NEK10: variants seen among roughly 807,000 people sequenced by gnomAD.
NEK10 encodes the protein serine/threonine-protein kinase Nek10.
NEK10 carries 122 observed loss-of-function variants against 159.8 expected under a neutral mutation model. The ratio of observed to expected loss-of-function variants is 0.76; its 90% CI spans 0.66 to 0.89. NEK10 has a LOEUF of 0.89. Ranked by LOEUF, NEK10 falls within the 40% of genes least tolerant of loss-of-function variation. NEK10 has a pLI of 0.00. For synonymous variants in NEK10, 466 were observed against 457.1 expected (o/e 1.02, Z -0.25); for missense variants, 1,342 against 1,323.1 (o/e 1.01, Z -0.22).
chr3:27,301,791 G>T lies in NEK10; in HGVS notation c.1073C>A (p.Ser358Tyr). 6.4e-7 allele frequency: 1 copy of T among 1,556,810 alleles called. No homozygotes were observed. The highest frequency in any genetic ancestry group is 2.4e-5 in the East Asian group (1 of 41,494). ...VSDHSSIGSLSSANAAGRIQQ... is the reference protein window; with the variant it reads ...VSDHSSIGSLYSANAAGRIQQ... ...GATTCGGCCTGCAGCATTTGCACTGGACAGGCTTCCAATGGAGGAGTGATC... is the reference window on the plus strand; with the variant it reads ...GATTCGGCCTGCAGCATTTGCACTGTACAGGCTTCCAATGGAGGAGTGATC... The change falls in exon 13 of 36, where the codon TCC (serine) becomes TAC (tyrosine). Residue 358 changes from serine (S) to tyrosine (Y), a missense_variant. Coordinates refer to ENST00000691995, the MANE Select transcript of NEK10 (RefSeq NM_001394966.1).
intron 26 of NEK10, among the ~76,000 whole-genome samples, chr3:27,187,772 A>AG (rs1948756015): frequency 6.6e-6 from 1 of 151,970 alleles, no homozygotes; most frequent in South Asian, 2.1e-4. Flanking sequence ...AAAAAAAAAA[A>AG]AAAGAAAGAA....
At chr3:27,366,206 A>G (rs1406676631) in intron 1 of NEK10, among the ~76,000 whole-genome samples, 1 of 152,128 alleles carries the variant, frequency 6.6e-6, no homozygotes, top group Non-Finnish European at 1.5e-5. Flanking sequence ...CATTTTACAG[A>G]TGAGGAAACT....
chr3:27,365,195 T>C (rs1264147121), intron 1 of NEK10, among the ~76,000 whole-genome samples: 3 of 152,258 alleles, frequency 2.0e-5, no homozygotes, highest in East Asian at 1.9e-4. Flanking sequence ...TTGCAAAATA[T>C]ACTAACTACT....
intron 6 of NEK10, among the ~76,000 whole-genome samples, chr3:27,317,503 C>T (rs138504219): frequency 5.6e-4 from 85 of 152,240 alleles, no homozygotes; most frequent in Middle Eastern, 3.4e-3. Flanking sequence ...AAACTGTGAA[C>T]AATGTCCTTC....
intron 23 of NEK10, among the ~76,000 whole-genome samples, chr3:27,210,165 A>C (rs1950881097): frequency 6.6e-6 from 1 of 152,184 alleles, no homozygotes; most frequent in African/African-American, 2.4e-5. Flanking sequence ...CAATTTATAA[A>C]GAAAAGGAAC....
intron 4 of NEK10, among the ~76,000 whole-genome samples, chr3:27,345,649 A>G (rs1157283989): frequency 1.3e-5 from 2 of 152,196 alleles, no homozygotes; most frequent in Non-Finnish European, 2.9e-5. Context: ...GACACTTTCA[A>G]TGTTAGAGGT....
chr3:27,200,157 G>T (rs1184286690), intron 25 of NEK10, among the ~76,000 whole-genome samples: 1 of 152,076 alleles, frequency 6.6e-6, no homozygotes, highest in Non-Finnish European at 1.5e-5. Context: ...GATTAGTATT[G>T]TGCCAAAGAA....
intron 23 of NEK10, among the ~76,000 whole-genome samples, chr3:27,237,651 G>A (rs541748699): frequency 6.6e-6 from 1 of 151,854 alleles, no homozygotes; most frequent in Non-Finnish European, 1.5e-5. Context: ...AACTCAGGAG[G>A]AAGGGTGGGA....
At chr3:27,162,180 T>A in intron 30 of NEK10, 1 of 395,172 alleles carries the variant, frequency 2.5e-6, no homozygotes, top group East Asian at 4.3e-5. Flanking sequence ...TTTGTAGGTA[T>A]GTACTTGAAG....
chr3:27,346,077 A>G lies in NEK10; in HGVS notation c.263+9T>C. On this transcript the variant is annotated intron_variant, in intron 4 of 35. Transcript: ENST00000691995. ...TTGCTGAAGACGAAGGAGATGCTGGATTTCTTACCTAAAATTTTCAAGTTC... is the reference window on the plus strand; with the variant it reads ...TTGCTGAAGACGAAGGAGATGCTGGGTTTCTTACCTAAAATTTTCAAGTTC... 1 of 1,613,354 alleles carries G rather than the reference A, an allele frequency of 6.2e-7. No homozygotes were observed. Among genetic ancestry groups the G allele is most frequent in the Non-Finnish European group, 8.5e-7 (1 of 1,179,420 alleles).
At chr3:27,151,518 C>T (rs1349573983) in intron 30 of NEK10, among the ~76,000 whole-genome samples, 1 of 152,126 alleles carries the variant, frequency 6.6e-6, no homozygotes, top group Non-Finnish European at 1.5e-5. Context: ...GCCTTTAGCC[C>T]TAGATATTCC....
chr3:27,280,170 A>AG (rs1240907624), intron 22 of NEK10, among the ~76,000 whole-genome samples: 2 of 151,040 alleles, frequency 1.3e-5, no homozygotes, highest in Admixed American at 1.3e-4. Flanking sequence ...AGGAACAATG[A>AG]GAATGGGCTT....
At chr3:27,187,692 C>T (rs1948746315) in intron 26 of NEK10, among the ~76,000 whole-genome samples, 1 of 149,890 alleles carries the variant, frequency 6.7e-6, no homozygotes, top group African/African-American at 2.5e-5. Context: ...CATAGTGAGG[C>T]AGAGCTTGCA....
At chr3:27,287,565 C>A (rs1466799873) in intron 20 of NEK10, 133 bp downstream of exon 20, 2 of 845,190 alleles carry the variant, frequency 2.4e-6, no homozygotes, top group Non-Finnish European at 1.7e-6. Flanking sequence ...ATGCTTAAGA[C>A]CATCTACTGT....
chr3:27,284,715 T>G lies in NEK10; in HGVS notation c.1912-11A>C, dbSNP rs373122729. The G allele has an allele frequency of 6.3e-7, 1 of 1,592,644 alleles. No individual in the cohort carries two copies. Among genetic ancestry groups the G allele is most frequent in the South Asian group, 1.1e-5 (1 of 90,528 alleles). On this transcript the variant is annotated splice_polypyrimidine_tract_variant and intron_variant, in intron 21 of 35. Coordinates refer to ENST00000691995, the MANE Select transcript of NEK10 (RefSeq NM_001394966.1). ...AAGAGCTAAGCACAGCTTGAAACAA[T>G]GAATAGAAAACAAATTTTATTTCCC...
At chr3:27,362,344 C>G (rs1482478816) in intron 1 of NEK10, among the ~76,000 whole-genome samples, 1 of 152,100 alleles carries the variant, frequency 6.6e-6, no homozygotes. Context: ...TACGGAACTG[C>G]TAATGGCTAA....
At chr3:27,336,521 AACAAG>A (rs1461264776) in intron 5 of NEK10, among the ~76,000 whole-genome samples, 4 of 152,124 alleles carry the variant, frequency 2.6e-5, no homozygotes, top group African/African-American at 7.2e-5. Flanking sequence ...CTAATAACAA[AACAAG>A]ACAAGAATAG....
intron 23 of NEK10, among the ~76,000 whole-genome samples, chr3:27,235,752 C>T (rs967710532): frequency 3.3e-5 from 5 of 152,108 alleles, no homozygotes; most frequent in African/African-American, 9.7e-5. Context: ...CCAGCAATTC[C>T]ATTACTGGGT....
intron 1 of NEK10, among the ~76,000 whole-genome samples, chr3:27,366,813 T>TC (rs2049124314): frequency 6.7e-6 from 1 of 149,476 alleles, no homozygotes; most frequent in South Asian, 2.1e-4. Flanking sequence ...GTTCATTTTT[T>TC]TTTTTTTTTT....
Sources: allele counts gnomAD v4.1 joint callset (sites outside exome capture counted in the v4.1 genomes callset), GRCh38; gene constraint gnomAD v4.1.1; transcripts MANE v1.5; gene names NCBI Gene and HGNC (gene_info 2026-07-23, HGNC 2026-07-21).